The following DNAH11 variants were observed in gnomAD, a reference collection of about 807,000 sequenced individuals.
DNAH11 encodes the protein axonemal beta dynein heavy chain 11.
In DNAH11, 442 loss-of-function variants were observed where a neutral mutation model predicts 526.0. That is an observed-to-expected ratio of 0.84 (90% confidence interval 0.78 to 0.91). The LOEUF is 0.91. DNAH11 is among the 40% of genes least tolerant of loss of function. DNAH11 has a pLI of 0.00. For synonymous variants in DNAH11, 2,461 were observed against 1,935.9 expected (o/e 1.27, Z -7.12); for missense variants, 6,989 against 5,448.7 (o/e 1.28, Z -8.90).
Position 21,864,553 on chromosome 7 carries a change from GAGAT to G in DNAH11, c.11396_11399del (p.Ile3799ThrfsTer18), listed in dbSNP as rs1245232070. On this transcript the variant is annotated frameshift_variant, in exon 70 of 82. Coordinates refer to ENST00000409508, the MANE Select transcript of DNAH11 (RefSeq NM_001277115.2). LOFTEE classifies it high-confidence loss of function. Reference sequence around the variant, plus strand: ...TCTCAAGATTTTGTTGAGAAAGAAAGAGATAGACCCTCTTGAATTGGATTTCCTG... The same window carrying G: ...TCTCAAGATTTTGTTGAGAAAGAAAGAGACCCTCTTGAATTGGATTTCCTG... 3.1e-6 allele frequency: 5 copies of G among 1,611,252 alleles called. No individual in the cohort carries two copies. In the African/African-American group the frequency reaches 5.3e-5, roughly 17 times the overall value.
chr7:21,683,619 TTAAG>T (rs1327621290), intron 31 of DNAH11, among the ~76,000 whole-genome samples, 161 bp from the exon 32 acceptor site: 1 of 152,236 alleles, frequency 6.6e-6, no homozygotes. Flanking sequence ...ATATTTCTTA[TTAAG>T]TATTTAACCA....
intron 29 of DNAH11, among the ~76,000 whole-genome samples, chr7:21,656,769 G>C (rs912990650): frequency 6.6e-6 from 1 of 152,134 alleles, no homozygotes; most frequent in Middle Eastern, 3.2e-3. Flanking sequence ...TATTTCACAA[G>C]GGTTTTCTTT....
chr7:21,546,323 G>T (rs780024067), intron 2 of DNAH11, among the ~76,000 whole-genome samples: 1 of 152,196 alleles, frequency 6.6e-6, no homozygotes. Flanking sequence ...ATTGGCTTTA[G>T]CTGATTTCAG....
chr7:21,572,019 T>C (rs778367112), intron 8 of DNAH11, 46 bp downstream of exon 8: 1 of 1,413,334 alleles, frequency 7.1e-7, no homozygotes, highest in Non-Finnish European at 9.3e-7. Context: ...TCCTATAATT[T>C]TATAGCTGAA....
At chr7:21,586,508 A>T (rs1784482457) in intron 9 of DNAH11, among the ~76,000 whole-genome samples, 3 of 152,182 alleles carry the variant, frequency 2.0e-5, no homozygotes, top group South Asian at 2.1e-4. Context: ...GTCTAAATTG[A>T]TCCCTAAGGT....
chr7:21,830,757 G>A (rs1389478168), intron 65 of DNAH11, among the ~76,000 whole-genome samples: 1 of 151,936 alleles, frequency 6.6e-6, no homozygotes, highest in Non-Finnish European at 1.5e-5. Flanking sequence ...GAAACAGCAT[G>A]TTTTTTACTC....
intron 73 of DNAH11, among the ~76,000 whole-genome samples, chr7:21,872,287 C>T (rs545594733): frequency 1.3e-5 from 2 of 152,000 alleles, no homozygotes; most frequent in East Asian, 1.9e-4. Context: ...CCACATCTAC[C>T]AGTGTTCATT....
At chr7:21,622,721 G>T (rs1347651568) in intron 25 of DNAH11, among the ~76,000 whole-genome samples, 1 of 152,262 alleles carries the variant, frequency 6.6e-6, no homozygotes, top group African/African-American at 2.4e-5. Flanking sequence ...ATGGGGAAAG[G>T]ATTCCCCATT....
intron 65 of DNAH11, among the ~76,000 whole-genome samples, chr7:21,821,494 C>T (rs2390593): frequency 0.89 from 135,431 of 152,124 alleles, 60,458 homozygotes; most frequent in Non-Finnish European, 0.92. Flanking sequence ...CATTAATTAA[C>T]GTCCTCTTGC....
Position 21,901,628 on chromosome 7 carries a change from C to CCGGAAAGAACGGAGATTT in DNAH11, c.*375_*392dup, listed in dbSNP as rs1784865028. ...ATGTGAACATGCAAAAGCAATGCAG[C>CCGGAAAGAACGGAGATTT]CGGAAAGAACGGAGATTTTAATTTT... is the stretch of plus-strand genomic sequence containing the variant. On this transcript the variant is annotated 3_prime_UTR_variant, in exon 82 of 82. Coordinates refer to ENST00000409508, the MANE Select transcript of DNAH11 (RefSeq NM_001277115.2). 6.2e-6 allele frequency: 1 copy of CCGGAAAGAACGGAGATTT among 160,432 alleles called. No homozygotes were observed. The highest frequency in any genetic ancestry group is 2.0e-4 in the South Asian group (1 of 5,008). 9.9% of individuals were successfully genotyped at this position (160,432 alleles called of 1,614,324 possible).
intron 62 of DNAH11, among the ~76,000 whole-genome samples, chr7:21,801,627 T>G (rs1022306084): frequency 1.3e-5 from 2 of 152,346 alleles, no homozygotes; most frequent in African/African-American, 4.8e-5. Flanking sequence ...CTTCCTTTCT[T>G]TCTTACCACA....
chr7:21,773,729 G>A, intron 55 of DNAH11, 37 bp from the exon 56 acceptor site: 6 of 1,280,090 alleles, frequency 4.7e-6, no homozygotes, highest in Non-Finnish European at 5.2e-6. Flanking sequence ...TTTAATTTGA[G>A]AGGATTTCAC....
chr7:21,775,543 A>T (rs919438607), intron 56 of DNAH11, among the ~76,000 whole-genome samples: 12 of 152,050 alleles, frequency 7.9e-5, no homozygotes, highest in Admixed American at 6.6e-4. Context: ...CCTTGAGCCC[A>T]AGAGTTTGAG....
intron 36 of DNAH11, among the ~76,000 whole-genome samples, chr7:21,700,768 A>G (rs1267864742): frequency 6.6e-6 from 1 of 152,230 alleles, no homozygotes; most frequent in Non-Finnish European, 1.5e-5. Context: ...ACCATGGAAT[A>G]CTATGCAGCC....
In DNAH11 at chr7:21,704,419, TG is replaced by T. The variant is rs1459990930; in HGVS notation, c.6274-14del. 12 of 1,599,102 alleles carry T rather than the reference TG, an allele frequency of 7.5e-6. No homozygotes were observed. Among genetic ancestry groups the T allele is most frequent in the Admixed American group, 1.7e-5 (1 of 57,500 alleles). On this transcript the variant is annotated splice_polypyrimidine_tract_variant and intron_variant, in intron 37 of 81. Transcript: ENST00000409508. Reference sequence around the variant, plus strand: ...ACCTTGTATTGGCTTTTTTATAAAATGTTTTTTTTTCTAGGTACTCATGAGA... The same window carrying T: ...ACCTTGTATTGGCTTTTTTATAAAATTTTTTTTTTCTAGGTACTCATGAGA...
chr7:21,746,831 G>A (rs539761747), intron 51 of DNAH11, among the ~76,000 whole-genome samples: 13 of 152,160 alleles, frequency 8.5e-5, no homozygotes, highest in African/African-American at 3.1e-4. Context: ...CTAAAACCAT[G>A]GTGTTAAATC....
chr7:21,842,785 C>T, intron 66 of DNAH11, 37 bp downstream of exon 66: 5 of 1,534,438 alleles, frequency 3.3e-6, no homozygotes, highest in Non-Finnish European at 3.5e-6. Flanking sequence ...ACTTAGTCGG[C>T]ATTTGCTTTG....
intron 65 of DNAH11, among the ~76,000 whole-genome samples, chr7:21,840,782 A>G (rs1371383104): frequency 6.6e-6 from 1 of 152,238 alleles, no homozygotes. Context: ...GTGACTATTT[A>G]CAGAAATAAT....
chr7:21,631,628 C>A (rs1468586269), intron 25 of DNAH11, among the ~76,000 whole-genome samples: 1 of 152,198 alleles, frequency 6.6e-6, no homozygotes, highest in African/African-American at 2.4e-5. Context: ...CTTAAAGCTC[C>A]AGAATGATCT....
Sources: allele counts gnomAD v4.1 joint callset (sites outside exome capture counted in the v4.1 genomes callset), GRCh38; gene constraint gnomAD v4.1.1; transcripts MANE v1.5; gene names NCBI Gene and HGNC (gene_info 2026-07-23, HGNC 2026-07-21).